Variants in GPC5 observed in about 807,000 individuals in gnomAD.
The protein encoded by GPC5 is glypican-5.
A neutral mutation model predicts 53.9 loss-of-function variants in GPC5; 47 were observed. The observed-to-expected ratio is 0.87, with a 90% CI of 0.69 to 1.11. The LOEUF is 1.11. GPC5 is among the 50% of genes most tolerant of loss of function. GPC5 has a pLI of 0.00. For synonymous variants in GPC5, 286 were observed against 263.3 expected (o/e 1.09, Z -0.84); for missense variants, 748 against 713.1 (o/e 1.05, Z -0.56).
At chr13:92,318,028 G>A (rs1454809714) in intron 7 of GPC5, among the ~76,000 whole-genome samples, 2 of 152,126 alleles carry the variant, frequency 1.3e-5, no homozygotes, top group African/African-American at 4.8e-5. Context: ...TGAAAGTGGT[G>A]AAAATCATAT....
chr13:91,430,350 A>T (rs1176196409), intron 1 of GPC5, among the ~76,000 whole-genome samples: 3 of 152,214 alleles, frequency 2.0e-5, no homozygotes, highest in African/African-American at 7.2e-5. Flanking sequence ...GACAAATCCT[A>T]GTTGGCTTAA....
chr13:91,911,809 T>C (rs143807357), intron 6 of GPC5, among the ~76,000 whole-genome samples: 1 of 152,266 alleles, frequency 6.6e-6, no homozygotes, highest in Non-Finnish European at 1.5e-5. Context: ...CTCTGGGAGA[T>C]AGAAGAAGGA....
chr13:92,194,680 A>G (rs1268258939), intron 7 of GPC5, among the ~76,000 whole-genome samples: 1 of 152,348 alleles, frequency 6.6e-6, no homozygotes, highest in East Asian at 1.9e-4. Context: ...TCTCAAATGC[A>G]TCAGAGAGTA....
At chr13:92,789,922 T>C (rs1272624328) in intron 7 of GPC5, among the ~76,000 whole-genome samples, 3 of 152,064 alleles carry the variant, frequency 2.0e-5, no homozygotes, top group African/African-American at 7.2e-5. Context: ...CAGCCTTCAG[T>C]CTATGGCCAA....
intron 7 of GPC5, among the ~76,000 whole-genome samples, chr13:92,586,982 A>ACG (rs2139061723): frequency 6.9e-6 from 1 of 145,198 alleles, no homozygotes; most frequent in Admixed American, 7.0e-5. Context: ...ACACACACGC[A>ACG]CACACACTAC....
At chr13:91,846,385 T>C (rs1467825098) in intron 5 of GPC5, among the ~76,000 whole-genome samples, 2 of 152,240 alleles carry the variant, frequency 1.3e-5, no homozygotes, top group African/African-American at 4.8e-5. Flanking sequence ...GTAACAATTT[T>C]GAGTTGTACA....
intron 2 of GPC5, among the ~76,000 whole-genome samples, chr13:91,597,357 C>G (rs1408556572): frequency 6.6e-6 from 1 of 152,124 alleles, no homozygotes; most frequent in Admixed American, 6.5e-5. Context: ...ACCTTTCCAG[C>G]ATCTAACTTA....
At chr13:91,894,524 C>T in intron 5 of GPC5, among the ~76,000 whole-genome samples, 1 of 152,132 alleles carries the variant, frequency 6.6e-6, no homozygotes, top group African/African-American at 2.4e-5. Context: ...CTTGGCATGC[C>T]TTACTATTTA....
chr13:92,563,590 A>T (rs1466576886), intron 7 of GPC5, among the ~76,000 whole-genome samples: 6 of 152,082 alleles, frequency 3.9e-5, no homozygotes, highest in Non-Finnish European at 8.8e-5. Flanking sequence ...GTCTGTGCTA[A>T]CAAATATAGA....
chr13:92,262,245 G>A (rs1444149742), intron 7 of GPC5, among the ~76,000 whole-genome samples: 5 of 152,132 alleles, frequency 3.3e-5, no homozygotes, highest in Non-Finnish European at 7.4e-5. Flanking sequence ...ATAACTAGAA[G>A]CAGAGCCAAA....
intron 6 of GPC5, among the ~76,000 whole-genome samples, chr13:92,043,238 T>A (rs1187997377): frequency 6.6e-6 from 1 of 152,178 alleles, no homozygotes; most frequent in Non-Finnish European, 1.5e-5. Flanking sequence ...GGAGCACATA[T>A]GACAGTCACA....
intron 7 of GPC5, among the ~76,000 whole-genome samples, chr13:92,361,609 G>T (rs2043567752): frequency 6.6e-6 from 1 of 151,550 alleles, no homozygotes; most frequent in Non-Finnish European, 1.5e-5. Context: ...GGACTTAGTG[G>T]GTGGGTTTGG....
chr13:91,715,245 T>A (rs1399959277), intron 3 of GPC5, among the ~76,000 whole-genome samples: 1 of 152,210 alleles, frequency 6.6e-6, no homozygotes, highest in Admixed American at 6.5e-5. Context: ...GTCTGGTGTC[T>A]GAACCTGGCC....
chr13:91,899,563 C>G (rs2039476504), intron 5 of GPC5, among the ~76,000 whole-genome samples: 1 of 151,994 alleles, frequency 6.6e-6, no homozygotes, highest in African/African-American at 2.4e-5. Context: ...ACTGTACCTC[C>G]AAAATTTATG....
At chr13:91,807,974 AG>A (rs1437064586) in intron 5 of GPC5, among the ~76,000 whole-genome samples, 1 of 152,170 alleles carries the variant, frequency 6.6e-6, no homozygotes, top group Non-Finnish European at 1.5e-5. Context: ...GCAACTGTAT[AG>A]TTCACTGTTG....
In GPC5 at chr13:92,008,871, C is replaced by T. The variant is rs1476465355; in HGVS notation, c.1401+100814C>T. Among the ~76,000 whole-genome samples the T allele has an allele frequency of 4.6e-5, 7 of 151,444 alleles. 1 individual carries two copies. Among genetic ancestry groups the T allele is most frequent in the African/African-American group, 1.7e-4 (7 of 41,250 alleles). ...TTCATTTCATTTTTTTCCTTTTTTT[C>T]TCTATGTGCTTCAATTTGCATAGTT... On this transcript the variant is annotated intron_variant, in intron 6 of 7. Transcript: ENST00000377067.
intron 5 of GPC5, among the ~76,000 whole-genome samples, chr13:91,778,405 C>G (rs773351989): frequency 6.6e-6 from 1 of 152,148 alleles, no homozygotes. Flanking sequence ...AGTTTCGTGT[C>G]CTGACAAATA....
At chr13:91,703,542 G>C (rs1412066532) in intron 3 of GPC5, among the ~76,000 whole-genome samples, 1 of 152,028 alleles carries the variant, frequency 6.6e-6, no homozygotes, top group African/African-American at 2.4e-5. Context: ...TGCTGAGTAT[G>C]GTTTGCCAGC....
intron 7 of GPC5, among the ~76,000 whole-genome samples, chr13:92,189,585 A>T (rs563221601): frequency 2.0e-5 from 3 of 151,892 alleles, no homozygotes; most frequent in Non-Finnish European, 4.4e-5. Context: ...CTTTCCATAC[A>T]CGTGCACACA....
Sources: allele counts gnomAD v4.1 joint callset (sites outside exome capture counted in the v4.1 genomes callset), GRCh38; gene constraint gnomAD v4.1.1; transcripts MANE v1.5; gene names NCBI Gene and HGNC (gene_info 2026-07-23, HGNC 2026-07-21).